The following RNF24 variants were observed in gnomAD, a reference collection of about 807,000 sequenced individuals.
The protein encoded by RNF24 is ring finger protein 24.
In RNF24, 14 loss-of-function variants were observed where a neutral mutation model predicts 20.0. The observed-to-expected ratio is 0.70, with a 90% CI of 0.46 to 1.10. The LOEUF is 1.10. Among genes scored for constraint, RNF24 ranks in the 50% least tolerant of loss-of-function variants. The pLI is 0.00. For missense variants in RNF24, 124 were observed against 177.6 expected (o/e 0.70, Z 1.71); for synonymous variants, 45 against 61.1 (o/e 0.74, Z 1.23).
Position 3,935,051 on chromosome 20 carries a change from T to A in RNF24, c.251A>T (p.Asp84Val), listed in dbSNP as rs766297920. 6.2e-7 allele frequency: 1 copy of A among 1,614,036 alleles called. No homozygotes were observed. The highest frequency in any genetic ancestry group is 1.1e-5 in the South Asian group (1 of 91,080). Residue 84 changes from aspartate to valine, a missense_variant, in exon 5 of 6, where the codon GAC (aspartate) becomes GTC (valine). Physicochemically the swap from Asp to Val is radical, Grantham distance 152. Transcript: ENST00000358395. ...CCCCAACTCATCTCGAGGCTTGAAGTCTTCTAGGCACACTGCACAGAGCTG... is the reference window on the plus strand; with the variant it reads ...CCCCAACTCATCTCGAGGCTTGAAGACTTCTAGGCACACTGCACAGAGCTG... ...LHELCAVCLE[D>V]FKPRDELGIC...
chr20:3,933,933 G>T lies in RNF24; in HGVS notation c.*130C>A. 2.1e-6 allele frequency: 2 copies of T among 963,660 alleles called. No individual in the cohort carries two copies. The highest frequency in any genetic ancestry group is 2.8e-6 in the Non-Finnish European group (2 of 704,102). The allele number at this position is 963,660 out of a possible 1,614,324, so 59.7% of individuals were successfully genotyped here. A position where few individuals can be genotyped will look rare whatever the true frequency, so the allele number is the denominator to read the frequency against. The stretch of plus-strand genomic sequence containing the variant: ...TAGGTTCCCAGTTTGGCTGGCCCAA[G>T]AGTTCTTCATGAGGCAAAAGAAGTG... On this transcript the variant is annotated 3_prime_UTR_variant, in exon 6 of 6. Coordinates refer to ENST00000358395, the MANE Select transcript of RNF24 (RefSeq NM_001134337.3).
At chr20:3,943,092 A>G (rs979095336) in intron 4 of RNF24, among the ~76,000 whole-genome samples, 1 of 152,234 alleles carries the variant, frequency 6.6e-6, no homozygotes, top group African/African-American at 2.4e-5. Context: ...CTGGGATTAT[A>G]GGTGTGAGCC....
chr20:3,959,840 G>T, intron 2 of RNF24, among the ~76,000 whole-genome samples: 1 of 152,106 alleles, frequency 6.6e-6, no homozygotes, highest in African/African-American at 2.4e-5. Flanking sequence ...CATTCACCCA[G>T]CAAATACTTA....
intron 1 of RNF24, among the ~76,000 whole-genome samples, chr20:3,986,943 C>A (rs2147038639): frequency 6.6e-6 from 1 of 152,098 alleles, no homozygotes; most frequent in Admixed American, 6.6e-5. Flanking sequence ...AGTCTTGCTG[C>A]ATCACCCAAG....
At chr20:3,946,546 G>A (rs887780775) in intron 3 of RNF24, among the ~76,000 whole-genome samples, 5 of 151,714 alleles carry the variant, frequency 3.3e-5, no homozygotes, top group African/African-American at 4.8e-5. Flanking sequence ...AAAATTAGCC[G>A]GGGGTGGTGG....
chr20:3,978,000 T>C (rs1308078922), intron 1 of RNF24, among the ~76,000 whole-genome samples: 2 of 152,158 alleles, frequency 1.3e-5, no homozygotes, highest in Non-Finnish European at 2.9e-5. Flanking sequence ...AGTTCTAGTA[T>C]TTTACAGTGC....
At chr20:3,978,251 C>T (rs564072009) in intron 1 of RNF24, among the ~76,000 whole-genome samples, 108 of 151,824 alleles carry the variant, frequency 7.1e-4, no homozygotes, top group Admixed American at 2.6e-3. Flanking sequence ...TTGGCCAGGC[C>T]GGTCTTGAAG....
At chr20:3,975,987 G>A (rs530020704) in intron 1 of RNF24, among the ~76,000 whole-genome samples, 95 of 152,116 alleles carry the variant, frequency 6.2e-4, no homozygotes, top group African/African-American at 1.8e-3. Context: ...GGGTTTCACC[G>A]TGTTGGTCAG....
Position 3,934,202 on chromosome 20 carries a change from C to A in RNF24, c.309-1G>T. Reference sequence around the variant, plus strand: ...AACCTCCAGCCACTTAATAAGGCACCTGCAGAAGGAGACACCACAGGGGGA... The same window carrying A: ...AACCTCCAGCCACTTAATAAGGCACATGCAGAAGGAGACACCACAGGGGGA... On this transcript the variant is annotated splice_acceptor_variant, in intron 5 of 5. Coordinates refer to ENST00000358395, the MANE Select transcript of RNF24 (RefSeq NM_001134337.3). LOFTEE classifies it high-confidence loss of function. The surrounding 1 kb of genome is among the most constrained non-coding windows in gnomAD (Gnocchi z 4.0). The A allele has an allele frequency of 6.2e-7, 1 of 1,606,250 alleles. No homozygotes were observed. The highest frequency in any genetic ancestry group is 1.1e-5 in the South Asian group (1 of 90,642).
intron 1 of RNF24, among the ~76,000 whole-genome samples, chr20:4,002,359 C>A (rs1480510855): frequency 6.6e-6 from 1 of 152,108 alleles, no homozygotes. Flanking sequence ...GCACTCCAGC[C>A]TGGGCAACAG....
chr20:4,014,739 GCACACA>G (rs146278311), intron 1 of RNF24, among the ~76,000 whole-genome samples: 15,991 of 143,712 alleles, frequency 0.11, 1,083 homozygotes, highest in Non-Finnish European at 0.16. Flanking sequence ...ACTTGAATGC[GCACACA>G]CACACACACA....
At chr20:3,938,628 A>G (rs2090919681) in intron 4 of RNF24, among the ~76,000 whole-genome samples, 1 of 152,228 alleles carries the variant, frequency 6.6e-6, no homozygotes, top group Non-Finnish European at 1.5e-5. Flanking sequence ...ACTGAGTTCT[A>G]AGAGTTCTTT....
chr20:3,964,360 A>T (rs377598296), intron 1 of RNF24, among the ~76,000 whole-genome samples: 1 of 152,324 alleles, frequency 6.6e-6, no homozygotes, highest in Non-Finnish European at 1.5e-5. Context: ...AAGTTTTAAG[A>T]TTCTTCAAAC....
At chr20:3,999,327 A>G (rs1439626705) in intron 1 of RNF24, among the ~76,000 whole-genome samples, 1 of 152,212 alleles carries the variant, frequency 6.6e-6, no homozygotes, top group East Asian at 1.9e-4. Flanking sequence ...AAAAGGAATG[A>G]TGGGACATGA....
intron 1 of RNF24, among the ~76,000 whole-genome samples, chr20:3,994,890 AGT>A (rs1411208950): frequency 6.6e-6 from 1 of 152,264 alleles, no homozygotes; most frequent in East Asian, 1.9e-4. Context: ...GAAATAAAGA[AGT>A]TTAGTAAACC....
Position 3,930,822 on chromosome 20 carries a change from ATCT to A in RNF24, c.*3238_*3240del, listed in dbSNP as rs1416806338. 4.6e-5 allele frequency: 7 copies of A among 152,320 alleles called. No individual in the cohort carries two copies. Among genetic ancestry groups the A allele is most frequent in the East Asian group, 1.9e-4 (1 of 5,176 alleles). The allele number at this position is 152,320 out of a possible 1,614,324, so 9.4% of individuals were successfully genotyped here. The stretch of plus-strand genomic sequence containing the variant: ...AAGGGGCTTGGCACTGGGGAAAAGG[ATCT>A]TCTTGTCAAGAACAGGGTATCCGGC... On this transcript the variant is annotated 3_prime_UTR_variant, in exon 6 of 6. Transcript: ENST00000358395.
intron 1 of RNF24, among the ~76,000 whole-genome samples, chr20:4,007,994 G>A (rs1737948184): frequency 6.6e-6 from 1 of 150,924 alleles, no homozygotes; most frequent in African/African-American, 2.4e-5. Flanking sequence ...TATACCCTAG[G>A]AGATATAGTA....
At chr20:3,980,440 T>C (rs1979282938) in intron 1 of RNF24, among the ~76,000 whole-genome samples, 1 of 152,188 alleles carries the variant, frequency 6.6e-6, no homozygotes, top group African/African-American at 2.4e-5. Context: ...ATTCACGTCC[T>C]GGGTGAGATG....
intron 1 of RNF24, among the ~76,000 whole-genome samples, chr20:3,993,319 A>G (rs201971763): frequency 1.3e-5 from 2 of 151,624 alleles, no homozygotes; most frequent in African/African-American, 4.8e-5. Flanking sequence ...GCAGAGTCTC[A>G]CTCTACTACC....
Sources: gnomAD v4.1 joint callset for allele counts (sites outside exome capture counted in the v4.1 genomes callset) on GRCh38, gnomAD v4.1.1 for gene constraint, Gnocchi (gnomAD v3.1) non-coding constraint, MANE v1.5 for transcripts, NCBI Gene and HGNC (gene_info 2026-07-23, HGNC 2026-07-21) for gene names.